GNPAT: variants seen among roughly 807,000 people sequenced by gnomAD.
GNPAT encodes the protein dihydroxyacetone phosphate acyltransferase.
GNPAT carries 30 observed loss-of-function variants against 78.4 expected under a neutral mutation model. The ratio of observed to expected loss-of-function variants is 0.38; its 90% CI spans 0.29 to 0.52. GNPAT has a LOEUF of 0.52. GNPAT is among the 20% of genes least tolerant of loss of function. The probability of loss-of-function intolerance (pLI) is 0.84; values close to 1 mark genes in which losing one functional copy is unlikely to be tolerated. For synonymous variants in GNPAT, 271 were observed against 281.1 expected, an observed-to-expected ratio of 0.96 and a Z score of 0.36; for missense variants, 714 against 812.2, an observed-to-expected ratio of 0.88 and a Z score of 1.47.
intron 2 of GNPAT, among the ~76,000 whole-genome samples, chr1:231,251,696 G>T (rs1684903296): frequency 6.6e-6 from 1 of 152,204 alleles, no homozygotes; most frequent in Non-Finnish European, 1.5e-5. Context: ...CCAAAGTATA[G>T]CAAAGTTTGG....
At chr1:231,270,624 TA>T (rs1415266926) in intron 9 of GNPAT, 133 bp from the exon 10 acceptor site, 19 of 857,608 alleles carry the variant, frequency 2.2e-5, no homozygotes, top group Non-Finnish European at 3.6e-5. Context: ...ATCATTACCG[TA>T]ATTGGTAGAC....
At chr1:231,242,467 T>TCA (rs1211830281) in intron 1 of GNPAT, among the ~76,000 whole-genome samples, 4 of 152,242 alleles carry the variant, frequency 2.6e-5, no homozygotes, top group Non-Finnish European at 5.9e-5. Context: ...CTTTGGAACA[T>TCA]GGAGAAACTT....
chr1:231,275,438 A>T lies in GNPAT; in HGVS notation c.1877A>T (p.Asp626Val). The change falls in exon 14 of 16, where the codon GAT (aspartate) becomes GTT (valine). Residue 626 changes from aspartate (D) to valine (V), a missense_variant. By Grantham distance (152) the Asp-to-Val change is radical (BLOSUM62 -3). Transcript: ENST00000366647. ...TSQCYDVLSS[D>V]VQKNALAACV... is the part of the protein sequence containing the mutation. ...CAATGTTATGATGTATTATCTTCTG[A>T]TGTGCAGAAAAACGCCTTAGCAGCC... 6.2e-7 allele frequency: 1 copy of T among 1,612,112 alleles called. No homozygotes were observed. The highest frequency in any genetic ancestry group is 2.2e-5 in the East Asian group (1 of 44,870).
rs10693276 is a variant in GNPAT, at chr1:231,256,479, C to CTTTTTT, written c.262-4008_262-4003dup. On this transcript the variant is annotated intron_variant, in intron 2 of 15. Transcript: ENST00000366647. ...CAGTCACTAAGACTGCTAATTTTCT[C>CTTTTTT]TTTTTTTTTTTTTTTTTTTTTTTTT... is the stretch of plus-strand genomic sequence containing the variant. Among the ~76,000 whole-genome samples, 467 of 75,902 alleles carry CTTTTTT rather than the reference C, an allele frequency of 6.2e-3. 16 individuals carry two copies. The highest frequency in any genetic ancestry group is 0.012 in the African/African-American group (210 of 17,860). The allele number at this position is 75,902 out of a possible 152,430, so 49.8% of individuals were successfully genotyped here. A position where few individuals can be genotyped will look rare whatever the true frequency, so the allele number is the denominator to read the frequency against.
At chr1:231,250,536 GTTTT>G (rs1437618643) in intron 1 of GNPAT, among the ~76,000 whole-genome samples, 7 of 152,128 alleles carry the variant, frequency 4.6e-5, no homozygotes, top group African/African-American at 1.7e-4. Flanking sequence ...CACCCATATA[GTTTT>G]GTTTTATTTT....
intron 1 of GNPAT, among the ~76,000 whole-genome samples, chr1:231,248,690 C>T (rs1684815015): frequency 6.6e-6 from 1 of 152,180 alleles, no homozygotes; most frequent in Admixed American, 6.5e-5. Flanking sequence ...CACAGAGTCA[C>T]ATGATGCATA....
At chr1:231,272,615 A>AG (rs1685599213) in intron 11 of GNPAT, among the ~76,000 whole-genome samples, 1 of 152,236 alleles carries the variant, frequency 6.6e-6, no homozygotes, top group Non-Finnish European at 1.5e-5. Context: ...GAGGAGAGTC[A>AG]TTCTTTGAAC....
chr1:231,276,300 A>T, intron 15 of GNPAT, 104 bp downstream of exon 15: 3 of 694,770 alleles, frequency 4.3e-6, no homozygotes, highest in Non-Finnish European at 8.0e-6. Context: ...ATCAGTAAGT[A>T]GTAGAGTTCT....
intron 1 of GNPAT, among the ~76,000 whole-genome samples, chr1:231,249,734 C>T (rs987001024): frequency 2.0e-5 from 3 of 152,192 alleles, no homozygotes; most frequent in Non-Finnish European, 4.4e-5. Flanking sequence ...ATTTAGAATG[C>T]GCCTAACACT....
At chr1:231,248,278 C>T (rs955245045) in intron 1 of GNPAT, among the ~76,000 whole-genome samples, 1 of 152,094 alleles carries the variant, frequency 6.6e-6, no homozygotes, top group African/African-American at 2.4e-5. Flanking sequence ...GAAAATGTTA[C>T]TAAGAAAATC....
chr1:231,253,029 C>T (rs555252680), intron 2 of GNPAT, among the ~76,000 whole-genome samples: 2 of 152,212 alleles, frequency 1.3e-5, no homozygotes, highest in South Asian at 2.1e-4. Flanking sequence ...AGTGCAGTAT[C>T]GCGATCTCGG....
intron 9 of GNPAT, 87 bp from the exon 10 acceptor site, chr1:231,270,671 C>T (rs1049543945): frequency 7.1e-6 from 9 of 1,274,872 alleles, no homozygotes; most frequent in Admixed American, 3.4e-5. Flanking sequence ...GCATCTGTCA[C>T]GTTACCATTA....
intron 2 of GNPAT, among the ~76,000 whole-genome samples, chr1:231,258,841 G>A (rs1685141042): frequency 6.6e-6 from 1 of 150,542 alleles, no homozygotes; most frequent in South Asian, 2.1e-4. Flanking sequence ...GTTTCACCGT[G>A]TTAGCCAGGA....
At chr1:231,274,904 C>A in intron 12 of GNPAT, 1 of 315,030 alleles carries the variant, frequency 3.2e-6, no homozygotes, top group Non-Finnish European at 6.0e-6. Context: ...TTATTAAAAT[C>A]TGACCCCTCT....
intron 9 of GNPAT, 137 bp downstream of exon 9, chr1:231,268,040 C>T (rs989433019): frequency 5.7e-6 from 4 of 697,908 alleles, no homozygotes; most frequent in Non-Finnish European, 1.0e-5. Flanking sequence ...CGGTGGTTCA[C>T]ACCTGTAATC....
chr1:231,250,813 TA>T (rs1256310554), intron 1 of GNPAT, 147 bp from the exon 2 acceptor site: 3 of 600,398 alleles, frequency 5.0e-6, no homozygotes, highest in Non-Finnish European at 9.0e-6. Context: ...TTTTTTTTAC[TA>T]TATGAAAATC....
At chr1:231,264,328 ATAT>A in intron 4 of GNPAT, among the ~76,000 whole-genome samples, 1 of 152,362 alleles carries the variant, frequency 6.6e-6, no homozygotes, top group Non-Finnish European at 1.5e-5. Flanking sequence ...TAGCCATATA[ATAT>A]TCAGCAGTGT....
At chr1:231,244,578 A>G (rs1197391836) in intron 1 of GNPAT, among the ~76,000 whole-genome samples, 1 of 152,142 alleles carries the variant, frequency 6.6e-6, no homozygotes, top group Non-Finnish European at 1.5e-5. Context: ...AATAGAATTC[A>G]GTTTGGGGTG....
At chr1:231,243,760 AG>A (rs1257053246) in intron 1 of GNPAT, among the ~76,000 whole-genome samples, 1 of 152,226 alleles carries the variant, frequency 6.6e-6, no homozygotes, top group African/African-American at 2.4e-5. Flanking sequence ...TGAGAAACAA[AG>A]TAAGGAAGTA....
Sources: gnomAD v4.1 joint callset for allele counts (sites outside exome capture counted in the v4.1 genomes callset) on GRCh38, gnomAD v4.1.1 for gene constraint, MANE v1.5 for transcripts, NCBI Gene and HGNC (gene_info 2026-07-23, HGNC 2026-07-21) for gene names.